Variants in TTC6 observed in about 807,000 individuals in gnomAD.
The protein encoded by TTC6 is tetratricopeptide repeat domain 6, also known as tetratricopeptide repeat protein 6.
A neutral mutation model predicts 210.4 loss-of-function variants in TTC6; 172 were observed. The observed-to-expected ratio is 0.82, with a 90% CI of 0.72 to 0.93. The LOEUF (loss-of-function observed/expected upper bound fraction) is 0.93. Among genes scored for constraint, TTC6 ranks in the 40% least tolerant of loss-of-function variants. The pLI, the probability that TTC6 is intolerant of heterozygous loss-of-function variation, is 0.00. For missense variants in TTC6, 2,414 were observed against 2,318.1 expected (o/e 1.04, Z -0.85); for synonymous variants, 804 against 819.6 (o/e 0.98, Z 0.32).
At chr14:37,809,764 CTT>C (rs1465940911) in intron 24 of TTC6, among the ~76,000 whole-genome samples, 1 of 152,044 alleles carries the variant, frequency 6.6e-6, no homozygotes, top group Non-Finnish European at 1.5e-5. Flanking sequence ...TGTGCAAACT[CTT>C]GTTTATATTT....
At chr14:37,622,889 G>A in exon 1 of TTC6, 1 of 1,535,078 alleles carries the variant, frequency 6.5e-7, no homozygotes, top group Non-Finnish European at 8.7e-7. Flanking sequence ...TGATCCCCAC[G>A]TCCATCGAAG....
At chr14:37,608,049 A>G (rs1184556990) in intron 2 of TTC6, among the ~76,000 whole-genome samples, 2 of 152,154 alleles carry the variant, frequency 1.3e-5, no homozygotes, top group African/African-American at 2.4e-5. Flanking sequence ...ATTGGCCACA[A>G]TAGTTCTTCT....
In TTC6 at chr14:37,766,625, G is replaced by C. The variant is rs1344948754; in HGVS notation, c.3266+13390G>C. On this transcript the variant is annotated intron_variant, in intron 14 of 30. Transcript: ENST00000553443. ...TCAATCTGTCATTGATGGGCATTTA[G>C]ATTGATTCCATGTCTTTACTATTGT... Among the ~76,000 whole-genome samples the C allele has an allele frequency of 3.9e-5, 6 of 152,076 alleles. No homozygotes were observed. In the East Asian group the frequency reaches 1.2e-3, roughly 29 times the overall value.
At chr14:37,732,813 T>C (rs1432464682) in intron 7 of TTC6, among the ~76,000 whole-genome samples, 2 of 149,122 alleles carry the variant, frequency 1.3e-5, no homozygotes. Context: ...AGAGACGGGG[T>C]TTCACCATGG....
At chr14:37,654,834 C>T (rs1338603322) in intron 1 of TTC6, among the ~76,000 whole-genome samples, 1 of 151,960 alleles carries the variant, frequency 6.6e-6, no homozygotes. Context: ...AATAGCACGC[C>T]CAGAATATGG....
chr14:37,787,582 T>C, exon 15 of TTC6: 1 of 1,522,922 alleles, frequency 6.6e-7, no homozygotes, highest in South Asian at 1.2e-5. Flanking sequence ...ATTATCGAGG[T>C]TGCTTATTCA....
At chr14:37,643,552 A>T (rs959259156) in intron 1 of TTC6, among the ~76,000 whole-genome samples, 1 of 152,226 alleles carries the variant, frequency 6.6e-6, no homozygotes, top group East Asian at 1.9e-4. Context: ...CATACTCATC[A>T]TCAGATTTTT....
chr14:37,692,224 A>AG (rs1555387759), intron 3 of TTC6, among the ~76,000 whole-genome samples: 13 of 143,152 alleles, frequency 9.1e-5, no homozygotes, highest in Admixed American at 1.4e-4. Context: ...AAAAAAAAAA[A>AG]AAAAAAAAGA....
At chr14:37,825,927 G>T (rs1464818229) in intron 27 of TTC6, among the ~76,000 whole-genome samples, 1 of 151,998 alleles carries the variant, frequency 6.6e-6, no homozygotes, top group Non-Finnish European at 1.5e-5. Context: ...ATGATTTTAT[G>T]TTGTCCGGGA....
At chr14:37,756,943 C>T (rs2095969722) in intron 14 of TTC6, among the ~76,000 whole-genome samples, 2 of 152,106 alleles carry the variant, frequency 1.3e-5, no homozygotes, top group African/African-American at 2.4e-5. Context: ...TCTCTTTGTA[C>T]CTCTGGTAGA....
chr14:37,752,490 T>C (rs1033950481), intron 13 of TTC6, among the ~76,000 whole-genome samples: 15 of 148,000 alleles, frequency 1.0e-4, no homozygotes, highest in Admixed American at 7.0e-4. Flanking sequence ...ATGCAGTACA[T>C]TGAGGTCAAA....
chr14:37,672,019 A>G (rs975515978), intron 1 of TTC6, among the ~76,000 whole-genome samples: 1 of 152,154 alleles, frequency 6.6e-6, no homozygotes, highest in Admixed American at 6.6e-5. Flanking sequence ...CAAATTACCC[A>G]GTCTTGGGCA....
intron 26 of TTC6, among the ~76,000 whole-genome samples, chr14:37,818,630 A>G (rs1428227096): frequency 6.6e-6 from 1 of 152,182 alleles, no homozygotes; most frequent in Non-Finnish European, 1.5e-5. Flanking sequence ...TAGTACAGCT[A>G]CATTCTCCTA....
At chr14:37,827,132 C>A in intron 28 of TTC6, 64 bp from the exon 31 acceptor site, 1 of 1,325,796 alleles carries the variant, frequency 7.5e-7, no homozygotes, top group Non-Finnish European at 1.0e-6. Context: ...TTCATTTTGG[C>A]AGACATGACA....
rs1023133436 is a variant in TTC6 at position 37,786,803 on chromosome 14, T to C, written c.3267-665T>C. Among the ~76,000 whole-genome samples, 5 of 152,242 alleles carry C rather than the reference T, an allele frequency of 3.3e-5. No homozygotes were observed. In the East Asian group the frequency reaches 7.7e-4, roughly 23 times the overall value. Reference sequence around the variant, plus strand: ...TTTTATTTCTTCTAAGTAGGCAACCTAGTAGCTTCTTTCTTCTGTTTTTCC... The same window carrying C: ...TTTTATTTCTTCTAAGTAGGCAACCCAGTAGCTTCTTTCTTCTGTTTTTCC... On this transcript the variant is annotated intron_variant, in intron 14 of 30. Transcript: ENST00000553443.
upstream of TTC6, among the ~76,000 whole-genome samples, chr14:37,621,668 C>A (rs539726895): frequency 6.5e-4 from 99 of 152,252 alleles, 2 homozygotes; most frequent in Middle Eastern, 0.048. Context: ...TGATCCAGGC[C>A]TCAGGCCACA....
intron 4 of TTC6, among the ~76,000 whole-genome samples, chr14:37,700,239 G>A (rs2138673630): frequency 6.6e-6 from 1 of 152,192 alleles, no homozygotes; most frequent in South Asian, 2.1e-4. Context: ...CAAGAAATGT[G>A]GCCAATAGCC....
At chr14:37,762,002 A>T (rs2095986011) in intron 14 of TTC6, among the ~76,000 whole-genome samples, 1 of 152,162 alleles carries the variant, frequency 6.6e-6, no homozygotes, top group African/African-American at 2.4e-5. Flanking sequence ...CCAACCTCTA[A>T]TAACCAGTAT....
At chr14:37,611,739 T>A (rs1198004358) in intron 2 of TTC6, among the ~76,000 whole-genome samples, 1 of 152,094 alleles carries the variant, frequency 6.6e-6, no homozygotes, top group Non-Finnish European at 1.5e-5. Context: ...TTAATTTCCA[T>A]CTACCTGACC....
Sources: gnomAD v4.1 joint callset for allele counts (sites outside exome capture counted in the v4.1 genomes callset) on GRCh38, gnomAD v4.1.1 for gene constraint, MANE v1.5 for transcripts, NCBI Gene and HGNC (gene_info 2026-07-23, HGNC 2026-07-21) for gene names.